The following NEK11 variants were observed in gnomAD, a reference collection of about 807,000 sequenced individuals.
The protein encoded by NEK11 is serine/threonine-protein kinase Nek11.
NEK11 carries 72 observed loss-of-function variants against 80.7 expected under a neutral mutation model. The observed-to-expected ratio is 0.89, with a 90% CI of 0.74 to 1.08. The LOEUF is 1.08. NEK11 is among the 50% of genes least tolerant of loss of function. NEK11 has a pLI of 0.00. For synonymous variants in NEK11, 251 were observed against 260.7 expected, an observed-to-expected ratio of 0.96 and a Z score of 0.36; for missense variants, 764 against 763.6, an observed-to-expected ratio of 1.00 and a Z score of -0.01.
In NEK11 at chr3:131,102,334, T is replaced by G. The variant is rs184809923; in HGVS notation, c.337-7469T>G. Among the ~76,000 whole-genome samples the G allele has an allele frequency of 3.9e-5, 6 of 152,320 alleles. No homozygotes were observed. In the East Asian group the frequency reaches 1.2e-3, roughly 29 times the overall value. On this transcript the variant is annotated intron_variant, in intron 4 of 17. Coordinates refer to ENST00000383366, the MANE Select transcript of NEK11 (RefSeq NM_024800.5). ...GGTGCCATTCTTTCAATTCCACATT[T>G]AGCACTCCCTTAAGGACCACTCGTG...
chr3:131,307,872 T>C (rs181696196), intron 17 of NEK11, among the ~76,000 whole-genome samples: 121 of 152,382 alleles, frequency 7.9e-4, no homozygotes, highest in Non-Finnish European at 1.3e-3. Flanking sequence ...AACTAAACTA[T>C]GTAGCCTTCC....
At chr3:131,091,586 A>G (rs2076738183) in intron 4 of NEK11, among the ~76,000 whole-genome samples, 2 of 152,216 alleles carry the variant, frequency 1.3e-5, no homozygotes, top group South Asian at 4.1e-4. Context: ...CAAAAAATAA[A>G]GAAGTTGATA....
intron 17 of NEK11, among the ~76,000 whole-genome samples, 184 bp from the exon 18 acceptor site, chr3:131,349,373 C>T (rs768127237): frequency 2.0e-5 from 3 of 152,166 alleles, no homozygotes; most frequent in Non-Finnish European, 2.9e-5. Context: ...ACATAATAGA[C>T]ATTGAGGCAT....
intron 16 of NEK11, among the ~76,000 whole-genome samples, chr3:131,253,727 T>A (rs866527899): frequency 6.6e-6 from 1 of 152,200 alleles, no homozygotes; most frequent in African/African-American, 2.4e-5. Context: ...GTTGGGTGTG[T>A]ACTGGGGTAT....
intron 5 of NEK11, among the ~76,000 whole-genome samples, chr3:131,120,011 T>A (rs1255813699): frequency 6.6e-6 from 1 of 152,226 alleles, no homozygotes; most frequent in African/African-American, 2.4e-5. Context: ...GTGAATTTGA[T>A]CCTGTCATTA....
chr3:131,283,892 G>A (rs989017516), intron 17 of NEK11, among the ~76,000 whole-genome samples: 12 of 152,206 alleles, frequency 7.9e-5, no homozygotes, highest in Middle Eastern at 3.4e-3. Context: ...TTTATATGTC[G>A]GTTTTAAGAG....
chr3:131,255,032 AAGAGAG>A (rs754846820), intron 16 of NEK11, among the ~76,000 whole-genome samples: 1 of 130,188 alleles, frequency 7.7e-6, no homozygotes, highest in Non-Finnish European at 1.6e-5. Flanking sequence ...GAAAGAAAGA[AAGAGAG>A]AGAGAGAGAG....
chr3:131,327,231 T>C (rs2109926875), intron 17 of NEK11: 1 of 152,402 alleles, frequency 6.6e-6, no homozygotes, highest in African/African-American at 2.4e-5. Flanking sequence ...CTACAGTCTG[T>C]GAGCCTCTGC....
At chr3:131,253,308 C>G (rs1382777435) in intron 16 of NEK11, among the ~76,000 whole-genome samples, 1 of 151,912 alleles carries the variant, frequency 6.6e-6, no homozygotes, top group Non-Finnish European at 1.5e-5. Flanking sequence ...AAATTCCCAC[C>G]AAAATTTCCC....
In NEK11 at chr3:131,116,613, T is replaced by A. The variant is rs571669054; in HGVS notation, c.455+6692T>A. ...ACCAACAGTGTAAAAGTGTTCCTATTTCTCCACATCCTCTCCAGCACCTGT... is the reference window on the plus strand; with the variant it reads ...ACCAACAGTGTAAAAGTGTTCCTATATCTCCACATCCTCTCCAGCACCTGT... On this transcript the variant is annotated intron_variant, in intron 5 of 17. Transcript: ENST00000383366. Among the ~76,000 whole-genome samples, 12 of 152,320 alleles carry A rather than the reference T, an allele frequency of 7.9e-5. 1 individual carries two copies. In the East Asian group the frequency reaches 2.3e-3, roughly 29 times the overall value.
intron 15 of NEK11, among the ~76,000 whole-genome samples, chr3:131,234,973 C>T (rs1193438992): frequency 6.6e-6 from 1 of 151,836 alleles, no homozygotes; most frequent in African/African-American, 2.4e-5. Flanking sequence ...CACCCCAATA[C>T]CAAAGCATGG....
chr3:131,066,558 G>A (rs1261270755), intron 3 of NEK11, among the ~76,000 whole-genome samples: 5 of 152,090 alleles, frequency 3.3e-5, no homozygotes, highest in African/African-American at 7.2e-5. Context: ...GGCCAGGTGC[G>A]GTGGCTCACG....
intron 3 of NEK11, among the ~76,000 whole-genome samples, chr3:131,079,464 C>A (rs1493368): frequency 0.91 from 138,476 of 152,312 alleles, 63,487 homozygotes; most frequent in Non-Finnish European, 0.95. Flanking sequence ...GGTCCTGCAG[C>A]ACTTGCCCTA....
At chr3:131,337,749 T>C (rs2097211407) in intron 17 of NEK11, among the ~76,000 whole-genome samples, 1 of 152,162 alleles carries the variant, frequency 6.6e-6, no homozygotes, top group Non-Finnish European at 1.5e-5. Context: ...GTGACTAGAC[T>C]GCACAGCTAG....
chr3:131,213,557 A>G (rs896382622), intron 14 of NEK11, among the ~76,000 whole-genome samples: 2 of 152,230 alleles, frequency 1.3e-5, no homozygotes, highest in Non-Finnish European at 2.9e-5. Flanking sequence ...GAGGCCGCCT[A>G]TGGTAGTAAT....
intron 17 of NEK11, among the ~76,000 whole-genome samples, chr3:131,348,389 C>G (rs1274539183): frequency 6.6e-6 from 1 of 151,994 alleles, no homozygotes; most frequent in African/African-American, 2.4e-5. Flanking sequence ...AATCCACCAA[C>G]TTGAATGCCC....
intron 14 of NEK11, among the ~76,000 whole-genome samples, chr3:131,212,087 C>T (rs1276790097): frequency 6.6e-6 from 1 of 152,182 alleles, no homozygotes; most frequent in Non-Finnish European, 1.5e-5. Context: ...CTCGTTTCTC[C>T]CCATCTTTGT....
At position 131,228,655 on chromosome 3, in the gene NEK11, G is replaced by A; in HGVS notation, c.1527G>A (p.Glu509=). 2.5e-6 allele frequency: 4 copies of A among 1,613,562 alleles called. No individual in the cohort carries two copies. The highest frequency in any genetic ancestry group is 2.2e-5 in the East Asian group (1 of 44,838). Reference sequence around the variant, plus strand: ...GACCAGAGAAAGAAATCAGGAATGAGGGATCCCAGCCTGCTTACAGAACAA... The same window carrying A: ...GACCAGAGAAAGAAATCAGGAATGAAGGATCCCAGCCTGCTTACAGAACAA... ...LERPEKEIRN[E]GSQPAYRTNQ... Residue 509 remains glutamate, a synonymous_variant, in exon 15 of 18, where the codon GAG becomes GAA. Transcript: ENST00000383366.
chr3:131,094,645 A>T (rs146505481), intron 4 of NEK11, among the ~76,000 whole-genome samples: 1 of 152,182 alleles, frequency 6.6e-6, no homozygotes, highest in Admixed American at 6.5e-5. Context: ...ATAACCTTTT[A>T]GCTACTGTTA....
Sources: gnomAD v4.1 joint callset for allele counts (sites outside exome capture counted in the v4.1 genomes callset) on GRCh38, gnomAD v4.1.1 for gene constraint, MANE v1.5 for transcripts, NCBI Gene and HGNC (gene_info 2026-07-23, HGNC 2026-07-21) for gene names.